Variants in TAF3 observed in about 807,000 individuals in gnomAD.
The protein encoded by TAF3 is TATA-box binding protein associated factor 3, also known as transcription initiation factor TFIID subunit 3.
TAF3 carries 7 observed loss-of-function variants against 80.6 expected under a neutral mutation model. The observed-to-expected ratio is 0.09, with a 90% CI of 0.05 to 0.16. The LOEUF (loss-of-function observed/expected upper bound fraction) is 0.16, where lower values mean the gene tolerates loss of function less well. Among genes scored for constraint, TAF3 ranks in the 10% least tolerant of loss-of-function variants. The probability of loss-of-function intolerance (pLI) is 1.00; values close to 1 mark genes in which losing one functional copy is unlikely to be tolerated. For missense variants in TAF3, 921 were observed against 1,140.2 expected, an observed-to-expected ratio of 0.81 and a Z score of 2.77; for synonymous variants, 444 against 446.1, an observed-to-expected ratio of 1.00 and a Z score of 0.06.
intron 4 of TAF3, among the ~76,000 whole-genome samples, chr10:8,004,911 T>C (rs1489110330): frequency 2.0e-5 from 3 of 152,260 alleles, no homozygotes; most frequent in Non-Finnish European, 4.4e-5. Flanking sequence ...AAACATGCAC[T>C]AATTAGACCT....
intron 4 of TAF3, among the ~76,000 whole-genome samples, chr10:7,992,385 G>C (rs1831843569): frequency 6.6e-6 from 1 of 152,190 alleles, no homozygotes; most frequent in African/African-American, 2.4e-5. Context: ...CTTGAAAATA[G>C]TGAATTTGGA....
chr10:7,865,928 C>T (rs1837210247), intron 2 of TAF3, among the ~76,000 whole-genome samples: 1 of 152,196 alleles, frequency 6.6e-6, no homozygotes, highest in South Asian at 2.1e-4. Context: ...GACCATACTT[C>T]ATCCTCCCCA....
At chr10:7,836,347 A>G (rs1244501) in intron 2 of TAF3, among the ~76,000 whole-genome samples, 26,936 of 150,016 alleles carry the variant, frequency 0.18, 2,482 homozygotes, top group South Asian at 0.26. Context: ...CTGGAGTACA[A>G]TGGCACAACC....
intron 2 of TAF3, among the ~76,000 whole-genome samples, chr10:7,907,724 G>A (rs1446827970): frequency 6.6e-6 from 1 of 152,158 alleles, no homozygotes; most frequent in African/African-American, 2.4e-5. Context: ...TTTCTTCCAA[G>A]GGAGGATTCT....
intron 2 of TAF3, among the ~76,000 whole-genome samples, chr10:7,954,788 C>A (rs34293337): frequency 4.5e-3 from 364 of 81,226 alleles, no homozygotes; most frequent in Middle Eastern, 0.021. Flanking sequence ...TTCAGAGTGC[C>A]CTCCATAGGC....
At chr10:7,918,783 C>G (rs951667782) in intron 2 of TAF3, among the ~76,000 whole-genome samples, 2 of 152,114 alleles carry the variant, frequency 1.3e-5, no homozygotes, top group African/African-American at 4.8e-5. Flanking sequence ...GTGGAGAGAA[C>G]AGTAAACCAG....
At chr10:7,849,534 G>A (rs1340739195) in intron 2 of TAF3, among the ~76,000 whole-genome samples, 1 of 152,126 alleles carries the variant, frequency 6.6e-6, no homozygotes. Context: ...ATGTAATTGT[G>A]TTTTAAATGT....
intron 2 of TAF3, among the ~76,000 whole-genome samples, chr10:7,878,853 A>G (rs755287659): frequency 2.0e-5 from 3 of 151,834 alleles, no homozygotes; most frequent in Non-Finnish European, 4.4e-5. Context: ...TCAGCCTCCT[A>G]AGTAGCTGGG....
intron 2 of TAF3, among the ~76,000 whole-genome samples, chr10:7,854,542 T>C (rs1837060220): frequency 6.6e-6 from 1 of 151,888 alleles, no homozygotes; most frequent in African/African-American, 2.4e-5. Context: ...GAAAGACTTC[T>C]GTGAGGTAAA....
At chr10:7,948,479 C>G (rs2131401661) in intron 2 of TAF3, among the ~76,000 whole-genome samples, 1 of 152,298 alleles carries the variant, frequency 6.6e-6, no homozygotes, top group African/African-American at 2.4e-5. Context: ...TTCTGCTGCT[C>G]TCCCTGGTTC....
chr10:7,947,090 ACTTTCT>A (rs1229506439), intron 2 of TAF3, among the ~76,000 whole-genome samples: 1 of 152,018 alleles, frequency 6.6e-6, no homozygotes, highest in African/African-American at 2.4e-5. Flanking sequence ...ACTTGCTTAT[ACTTTCT>A]CTTCATTGTT....
chr10:7,960,602 A>G (rs562429173), intron 2 of TAF3, among the ~76,000 whole-genome samples: 20 of 152,274 alleles, frequency 1.3e-4, no homozygotes, highest in Non-Finnish European at 2.1e-4. Context: ...GTGACCACAT[A>G]TTTGGGGATT....
intron 2 of TAF3, among the ~76,000 whole-genome samples, chr10:7,893,381 C>T (rs548695693): frequency 1.3e-5 from 2 of 152,204 alleles, no homozygotes; most frequent in South Asian, 2.1e-4. Flanking sequence ...TTAAAAGATA[C>T]GTTGCTTTTA....
chr10:7,973,019 T>G (rs1219832597), intron 3 of TAF3, among the ~76,000 whole-genome samples: 1 of 152,192 alleles, frequency 6.6e-6, no homozygotes, highest in Non-Finnish European at 1.5e-5. Flanking sequence ...GAACAGGGGA[T>G]GAATTTGGTG....
chr10:7,955,147 A>G (rs1358582014), intron 2 of TAF3, among the ~76,000 whole-genome samples: 1 of 152,248 alleles, frequency 6.6e-6, no homozygotes, highest in Non-Finnish European at 1.5e-5. Flanking sequence ...AGACGAATAG[A>G]AAGGTATTTT....
rs931597377 is a variant in TAF3 at position 7,932,969 on chromosome 10, T to G, written c.410-30951T>G. 4.6e-5 allele frequency among the ~76,000 whole-genome samples: 7 copies of G among 152,200 alleles called. No homozygotes were observed. The Middle Eastern group carries it at 0.014, about 296-fold the overall frequency. ...TGCTAGGGTTACAGGCGTGAACCTCTGTGCCCAGCCTGTGTTCCACTTAAT... is the reference window on the plus strand; with the variant it reads ...TGCTAGGGTTACAGGCGTGAACCTCGGTGCCCAGCCTGTGTTCCACTTAAT... On this transcript the variant is annotated intron_variant, in intron 2 of 6. Coordinates refer to ENST00000344293, the MANE Select transcript of TAF3 (RefSeq NM_031923.4).
chr10:7,851,702 T>C (rs1255985780), intron 2 of TAF3, among the ~76,000 whole-genome samples: 1 of 152,172 alleles, frequency 6.6e-6, no homozygotes, highest in African/African-American at 2.4e-5. Context: ...CCCACAAATG[T>C]TTTAAGCATA....
intron 4 of TAF3, among the ~76,000 whole-genome samples, chr10:7,978,108 G>A (rs1295661519): frequency 6.6e-6 from 1 of 151,796 alleles, no homozygotes; most frequent in Non-Finnish European, 1.5e-5. Context: ...AAATACACAA[G>A]ATAAAAATTC....
At chr10:7,995,527 TTA>T (rs1831879500) in intron 4 of TAF3, among the ~76,000 whole-genome samples, 1 of 152,218 alleles carries the variant, frequency 6.6e-6, no homozygotes, top group Admixed American at 6.5e-5. Flanking sequence ...TACCTGAATA[TTA>T]ATGCCCTTTT....
Sources: allele counts gnomAD v4.1 joint callset (sites outside exome capture counted in the v4.1 genomes callset), GRCh38; gene constraint gnomAD v4.1.1; transcripts MANE v1.5; gene names NCBI Gene and HGNC (gene_info 2026-07-23, HGNC 2026-07-21).